Variants in FIG4 observed in about 807,000 individuals in gnomAD.
The protein encoded by FIG4 is polyphosphoinositide phosphatase.
Under a neutral mutation model 118.6 loss-of-function variants are expected in FIG4, and 112 were observed. The observed-to-expected ratio is 0.94, with a 90% confidence interval of 0.81 to 1.11. FIG4 has a LOEUF of 1.11. FIG4 is among the 50% of genes least tolerant of loss of function. The pLI is 0.00. For synonymous variants in FIG4, 369 were observed against 381.2 expected (o/e 0.97, Z 0.37); for missense variants, 969 against 1,111.7 (o/e 0.87, Z 1.83).
intron 1 of FIG4, among the ~76,000 whole-genome samples, chr6:109,706,065 C>G (rs1386877118): frequency 1.3e-5 from 2 of 152,210 alleles, no homozygotes; most frequent in African/African-American, 2.4e-5. Context: ...TAGCTAATGC[C>G]TGAGGCACCA....
intron 15 of FIG4, among the ~76,000 whole-genome samples, chr6:109,769,453 G>C (rs1777391383): frequency 6.6e-6 from 1 of 152,066 alleles, no homozygotes; most frequent in Non-Finnish European, 1.5e-5. Context: ...ATTTTAAGAA[G>C]CATGATATCA....
At chr6:109,767,202 T>C (rs1777305502) in intron 15 of FIG4, among the ~76,000 whole-genome samples, 1 of 152,200 alleles carries the variant, frequency 6.6e-6, no homozygotes, top group Non-Finnish European at 1.5e-5. Context: ...AGATAAAATT[T>C]TTTGAGGGTG....
chr6:109,767,963 G>A (rs1777334883), intron 15 of FIG4, among the ~76,000 whole-genome samples: 1 of 152,212 alleles, frequency 6.6e-6, no homozygotes, highest in African/African-American at 2.4e-5. Context: ...ACAGGACTCT[G>A]GGTGAGCTTG....
intron 1 of FIG4, among the ~76,000 whole-genome samples, chr6:109,700,212 A>G (rs888881993): frequency 1.3e-5 from 2 of 152,212 alleles, no homozygotes. Context: ...CGTTGACTTA[A>G]TTTTTTTCTA....
chr6:109,724,068 C>T (rs1027331717), intron 3 of FIG4, among the ~76,000 whole-genome samples: 2 of 152,050 alleles, frequency 1.3e-5, no homozygotes, highest in Non-Finnish European at 2.9e-5. Context: ...ATATGTTCCT[C>T]AGAACGTATA....
At chr6:109,763,507 C>G (rs1463467590) in intron 12 of FIG4, among the ~76,000 whole-genome samples, 2 of 152,182 alleles carry the variant, frequency 1.3e-5, no homozygotes, top group East Asian at 3.8e-4. Flanking sequence ...AACAAAGCCT[C>G]TATGAATAAA....
intron 17 of FIG4, 60 bp from the exon 18 acceptor site, chr6:109,786,242 T>G: frequency 1.4e-6 from 2 of 1,444,792 alleles, no homozygotes; most frequent in Non-Finnish European, 1.9e-6. Flanking sequence ...GTTAATATTA[T>G]GGAAATGTTT....
At chr6:109,697,891 T>A (rs968091832) in intron 1 of FIG4, among the ~76,000 whole-genome samples, 3 of 9,560 alleles carry the variant, frequency 3.1e-4, no homozygotes, top group African/African-American at 1.4e-3. Context: ...ATTGATCAAT[T>A]TTTTTTTTTT....
At chr6:109,802,826 A>C (rs938282327) in intron 22 of FIG4, among the ~76,000 whole-genome samples, 1 of 152,246 alleles carries the variant, frequency 6.6e-6, no homozygotes, top group African/African-American at 2.4e-5. Context: ...TTTCCAGTGA[A>C]TTGGGAGCTG....
intron 22 of FIG4, among the ~76,000 whole-genome samples, chr6:109,817,765 A>G (rs1778900473): frequency 6.6e-6 from 1 of 152,198 alleles, no homozygotes; most frequent in Admixed American, 6.5e-5. Context: ...AGAAGCATCT[A>G]GGAACACAGG....
chr6:109,722,219 T>C (rs375933172), intron 3 of FIG4, among the ~76,000 whole-genome samples: 1 of 151,986 alleles, frequency 6.6e-6, no homozygotes, highest in Non-Finnish European at 1.5e-5. Flanking sequence ...AGTGAGGTCA[T>C]TTTTGGCGAG....
At chr6:109,722,019 G>A (rs1295595010) in intron 3 of FIG4, among the ~76,000 whole-genome samples, 2 of 152,076 alleles carry the variant, frequency 1.3e-5, no homozygotes, top group African/African-American at 4.8e-5. Context: ...AATTTATCTT[G>A]TAAATATTTA....
intron 1 of FIG4, among the ~76,000 whole-genome samples, chr6:109,696,461 C>T (rs1774722707): frequency 6.6e-6 from 1 of 152,164 alleles, no homozygotes; most frequent in Non-Finnish European, 1.5e-5. Context: ...TAGCACTATT[C>T]ACGATAGCTA....
intron 8 of FIG4, among the ~76,000 whole-genome samples, chr6:109,742,423 G>A (rs920623726): frequency 6.6e-6 from 1 of 152,034 alleles, no homozygotes; most frequent in African/African-American, 2.4e-5. Flanking sequence ...TAGACAACTT[G>A]AGTTTTGAGT....
At chr6:109,711,200 C>T (rs577560546) in intron 1 of FIG4, among the ~76,000 whole-genome samples, 2 of 152,120 alleles carry the variant, frequency 1.3e-5, no homozygotes, top group East Asian at 3.9e-4. Flanking sequence ...GAGATCGATA[C>T]CATCTTGGCT....
At chr6:109,721,220 AG>A (rs1562645318) in intron 3 of FIG4, among the ~76,000 whole-genome samples, 1 of 152,212 alleles carries the variant, frequency 6.6e-6, no homozygotes, top group East Asian at 1.9e-4. Flanking sequence ...ACACCAAAAA[AG>A]TGTGAGTCTC....
chr6:109,722,720 G>A (rs780154497), intron 3 of FIG4, among the ~76,000 whole-genome samples: 4 of 141,556 alleles, frequency 2.8e-5, no homozygotes, highest in Non-Finnish European at 4.7e-5. Context: ...TGCCCTGTGA[G>A]TGAGTGAGCT....
At position 109,765,034 on chromosome 6, in the gene FIG4, T is replaced by C; in HGVS notation, c.1456T>C (p.Cys486Arg). 1 of 1,614,034 alleles carries C rather than the reference T, an allele frequency of 6.2e-7. No homozygotes were observed. Among genetic ancestry groups the C allele is most frequent in the Non-Finnish European group, 8.5e-7 (1 of 1,179,904 alleles). ...TTAGACTGGCATCCTTCGAACCAAC[T>C]GTGTGGACTGTTTAGATCGCACCAA... ...RLQTGILRTN[C>R]VDCLDRTNTA... Residue 486 changes from cysteine (C) to arginine (R), a missense_variant, in exon 14 of 23, where the codon TGT becomes CGT. By Grantham distance (180) the Cys-to-Arg change is radical. Around this residue, in one of 3 missense-constraint regions of FIG4, gnomAD observed 246 missense variants for 354.3 expected, o/e 0.69. Coordinates refer to ENST00000230124, the MANE Select transcript of FIG4 (RefSeq NM_014845.6).
intron 1 of FIG4, among the ~76,000 whole-genome samples, chr6:109,706,057 G>A (rs571707815): frequency 1.3e-5 from 2 of 152,336 alleles, no homozygotes; most frequent in Admixed American, 6.5e-5. Context: ...CTAACACTTA[G>A]CTAATGCCTG....
Sources: allele counts gnomAD v4.1 joint callset (sites outside exome capture counted in the v4.1 genomes callset), GRCh38; gene constraint gnomAD v4.1.1; regional missense constraint gnomAD v4.1.1; transcripts MANE v1.5; gene names NCBI Gene and HGNC (gene_info 2026-07-23, HGNC 2026-07-21).